The following TLK1 variants were observed in gnomAD, a reference collection of about 807,000 sequenced individuals.
TLK1 encodes tousled like kinase 1, also known as serine/threonine-protein kinase tousled-like 1.
In TLK1, 24 loss-of-function variants were observed where a neutral mutation model predicts 105.3. That is an observed-to-expected ratio of 0.23 (90% CI 0.17 to 0.32). TLK1 has a LOEUF of 0.32. Ranked by LOEUF, TLK1 falls within the 10% of genes least tolerant of loss-of-function variation. TLK1 has a pLI of 1.00. For missense variants in TLK1, 558 were observed against 910.5 expected (o/e 0.61, Z 4.98); for synonymous variants, 321 against 310.4 (o/e 1.03, Z -0.36).
At chr2:171,033,684 T>C (rs568593777) in intron 11 of TLK1, among the ~76,000 whole-genome samples, 2 of 151,034 alleles carry the variant, frequency 1.3e-5, no homozygotes, top group South Asian at 2.1e-4. Flanking sequence ...ACCCTGTACA[T>C]TGGTTGGTGC....
In TLK1 at chr2:170,996,689, C is replaced by T. The variant is rs1302215804; in HGVS notation, c.2088G>A (p.Gln696=). The change falls in exon 20 of 21, where the codon CAG becomes CAA. Residue 696 remains glutamine (Q), a synonymous_variant. Coordinates refer to ENST00000431350, the MANE Select transcript of TLK1 (RefSeq NM_012290.5). ...TGCTTACAACCGGTTTTACAGGGAA[C>T]TGGACTTCTGTGGCTTTTAATATTG... ...ENTILKATEV[Q]FPVKPVVSSE... is the part of the protein sequence containing the mutation. The T allele has an allele frequency of 1.9e-6, 3 of 1,613,972 alleles. No individual in the cohort carries two copies. The highest frequency in any genetic ancestry group is 2.5e-6 in the Non-Finnish European group (3 of 1,179,964).
chr2:171,060,793 T>G (rs1687715361), intron 4 of TLK1, among the ~76,000 whole-genome samples: 1 of 151,986 alleles, frequency 6.6e-6, no homozygotes. Flanking sequence ...AGTTTTTAAT[T>G]CAAAAACAAG....
intron 1 of TLK1, among the ~76,000 whole-genome samples, chr2:171,176,878 G>C (rs1292556350): frequency 1.3e-5 from 2 of 151,564 alleles, no homozygotes; most frequent in African/African-American, 2.4e-5. Flanking sequence ...TGTCACCCAG[G>C]CTGGAGTGCA....
chr2:171,217,401 A>G (rs1381595547), intron 1 of TLK1, among the ~76,000 whole-genome samples: 2 of 152,196 alleles, frequency 1.3e-5, no homozygotes, highest in Admixed American at 1.3e-4. Context: ...AGGAAAAATG[A>G]CCATTTTGAG....
chr2:171,056,420 G>A (rs377680410), intron 6 of TLK1, 51 bp downstream of exon 6: 39 of 1,473,608 alleles, frequency 2.6e-5, no homozygotes, highest in Non-Finnish European at 3.6e-5. Context: ...CTTATTCAGT[G>A]TACATAACCC....
intron 2 of TLK1, among the ~76,000 whole-genome samples, chr2:171,099,487 T>C (rs756728509): frequency 6.6e-6 from 1 of 152,182 alleles, no homozygotes; most frequent in Non-Finnish European, 1.5e-5. Context: ...GGTGGCCTTT[T>C]GTTGAAATTG....
Position 171,016,925 on chromosome 2 carries a change from ATCTT to A in TLK1, c.1237-1981_1237-1978del, listed in dbSNP as rs369733965. ...TCAAAATAAATTCAAATGAAGATAAATCTTTCTACAAGTATTGGGAGATTTTCTA... is the reference window on the plus strand; with the variant it reads ...TCAAAATAAATTCAAATGAAGATAAATCTACAAGTATTGGGAGATTTTCTA... On this transcript the variant is annotated intron_variant, in intron 12 of 20. Coordinates refer to ENST00000431350, the MANE Select transcript of TLK1 (RefSeq NM_012290.5). 2.0e-4 allele frequency among the ~76,000 whole-genome samples: 30 copies of A among 152,300 alleles called. 1 individual carries two copies. In the East Asian group the frequency reaches 4.4e-3, roughly 22 times the overall value.
chr2:171,128,767 C>T (rs1690974383), intron 1 of TLK1, among the ~76,000 whole-genome samples: 1 of 152,054 alleles, frequency 6.6e-6, no homozygotes, highest in South Asian at 2.1e-4. Flanking sequence ...TATATATACA[C>T]ATACATACAA....
At chr2:171,210,437 A>G (rs919893464) in intron 1 of TLK1, among the ~76,000 whole-genome samples, 3 of 152,088 alleles carry the variant, frequency 2.0e-5, no homozygotes, top group Admixed American at 6.5e-5. Context: ...CTTCCCTTTA[A>G]GTGTAATAGC....
chr2:171,097,509 A>G (rs967348107), intron 2 of TLK1, among the ~76,000 whole-genome samples: 17 of 152,222 alleles, frequency 1.1e-4, no homozygotes, highest in African/African-American at 4.1e-4. Flanking sequence ...GCACAGAAGA[A>G]GAACCAATCA....
chr2:171,155,074 A>G (rs1692182574), intron 1 of TLK1, among the ~76,000 whole-genome samples: 1 of 152,214 alleles, frequency 6.6e-6, no homozygotes, highest in South Asian at 2.1e-4. Flanking sequence ...TATACTTAAT[A>G]TGCATTTTAA....
intron 12 of TLK1, among the ~76,000 whole-genome samples, chr2:171,023,360 A>G (rs917520825): frequency 2.0e-5 from 3 of 151,876 alleles, no homozygotes; most frequent in Non-Finnish European, 4.4e-5. Context: ...ATGTTTTTCA[A>G]ATAAAACTTC....
At position 171,160,194 on chromosome 2, in the gene TLK1, G is replaced by A. The variant is rs1692410378; in HGVS notation, c.139+96C>T. 29 of 1,219,538 alleles carry A rather than the reference G, an allele frequency of 2.4e-5. No individual in the cohort carries two copies. In the East Asian group the frequency reaches 9.7e-4, roughly 41 times the overall value. 75.5% of individuals were successfully genotyped at this position (1,219,538 alleles called of 1,614,324 possible). On this transcript the variant is annotated intron_variant, in intron 1 of 20. Coordinates refer to ENST00000431350, the MANE Select transcript of TLK1 (RefSeq NM_012290.5). This position sits in a 1 kb window ranked among gnomAD's most constrained non-coding sequence, Gnocchi z 4.4. ...CCATCCCCCACCCCAGGGTCTGGCG[G>A]AGAAGCCCCGGGGCGGGGGGGGCGG...
At chr2:171,003,237 G>T (rs1684475248) in intron 18 of TLK1, among the ~76,000 whole-genome samples, 3 of 122,380 alleles carry the variant, frequency 2.5e-5, no homozygotes, top group Admixed American at 1.1e-4. Flanking sequence ...TCGCACCACT[G>T]CACTCCAGCC....
At chr2:171,183,488 G>T (rs541491410) in intron 1 of TLK1, among the ~76,000 whole-genome samples, 11 of 151,800 alleles carry the variant, frequency 7.2e-5, no homozygotes, top group African/African-American at 2.7e-4. Flanking sequence ...TTTATCCTTT[G>T]TCTACTTTCC....
chr2:171,015,415 AACACACACACACACACACAC>A (rs56238853), intron 12 of TLK1, among the ~76,000 whole-genome samples: 23 of 132,696 alleles, frequency 1.7e-4, no homozygotes, highest in Admixed American at 3.0e-4. Context: ...TTGGAGTACA[AACACACACACACACACACAC>A]ACACACACAC....
intron 1 of TLK1, among the ~76,000 whole-genome samples, chr2:171,178,823 G>A: frequency 6.6e-6 from 1 of 152,070 alleles, no homozygotes; most frequent in South Asian, 2.1e-4. Context: ...CATTTTCCTG[G>A]TTTGGGATAT....
At chr2:171,008,323 C>T (rs920949766) in intron 14 of TLK1, among the ~76,000 whole-genome samples, 3 of 151,876 alleles carry the variant, frequency 2.0e-5, no homozygotes, top group South Asian at 2.1e-4. Context: ...ATACATGGTA[C>T]GGCCAAGAAA....
intron 4 of TLK1, 123 bp downstream of exon 4, chr2:171,060,958 C>A (rs1050577640): frequency 7.5e-5 from 67 of 892,554 alleles, no homozygotes; most frequent in Non-Finnish European, 1.1e-4. Context: ...CACTAACTAC[C>A]TGTGCACACA....
Sources: gnomAD v4.1 joint callset for allele counts (sites outside exome capture counted in the v4.1 genomes callset) on GRCh38, gnomAD v4.1.1 for gene constraint, Gnocchi (gnomAD v3.1) non-coding constraint, MANE v1.5 for transcripts, NCBI Gene and HGNC (gene_info 2026-07-23, HGNC 2026-07-21) for gene names.